Variants in SMG1 observed in about 807,000 individuals in gnomAD.
The protein encoded by SMG1 is serine/threonine-protein kinase SMG1.
SMG1 carries 22 observed loss-of-function variants against 419.9 expected under a neutral mutation model. That is an observed-to-expected ratio of 0.05 (90% CI 0.04 to 0.07). The LOEUF is 0.07. SMG1 is among the 10% of genes least tolerant of loss of function. The probability of loss-of-function intolerance (pLI) is 1.00; values close to 1 mark genes in which losing one functional copy is unlikely to be tolerated. For synonymous variants in SMG1, 1,538 were observed against 1,553.5 expected (o/e 0.99, Z 0.23); for missense variants, 3,185 against 4,342.0 (o/e 0.73, Z 7.49).
At chr16:18,924,753 A>T (rs1402634970) in intron 1 of SMG1, among the ~76,000 whole-genome samples, 1 of 152,210 alleles carries the variant, frequency 6.6e-6, no homozygotes, top group African/African-American at 2.4e-5. Context: ...CAACAGACAC[A>T]GTATTTGGAA....
Position 18,866,634 on chromosome 16 carries a change from G to C in SMG1, c.3337C>G (p.Gln1113Glu). The C allele has an allele frequency of 6.3e-7, 1 of 1,593,344 alleles. No individual in the cohort carries two copies. Among genetic ancestry groups the C allele is most frequent in the Non-Finnish European group, 8.5e-7 (1 of 1,175,990 alleles). Residue 1113 changes from glutamine (Q) to glutamate (E), a missense_variant, in exon 23 of 63, where the codon CAG (glutamine) becomes GAG (glutamate). Coordinates refer to ENST00000446231, the MANE Select transcript of SMG1 (RefSeq NM_015092.5). The part of the protein sequence containing the change: ...NLLWINSVAQ[Q>E]AEGRFEKASV... ...CCTCCAACCTACCTCCCTTCAGCCT[G>C]TTGAGCCACTGAGTTAATCCACAGA...
At position 18,859,741 on chromosome 16, in the gene SMG1, CTTTTATTA is replaced by C. The variant is rs540159087; in HGVS notation, c.3806-46_3806-39del. On this transcript the variant is annotated intron_variant, in intron 26 of 62. Coordinates refer to ENST00000446231, the MANE Select transcript of SMG1 (RefSeq NM_015092.5). Reference sequence around the variant, plus strand: ...AATAAAACGTCATTAAGTTCATGTGCTTTTATTATAAATTTTGATTTATGTTTGGCATT... The same window carrying C: ...AATAAAACGTCATTAAGTTCATGTGCTAAATTTTGATTTATGTTTGGCATT... 3.5e-3 allele frequency: 5,347 copies of C among 1,526,902 alleles called. 12 individuals carry two copies. Among genetic ancestry groups the C allele is most frequent in the Non-Finnish European group, 4.4e-3 (5,013 of 1,132,644 alleles). The allele number at this position is 1,526,902 out of a possible 1,614,324, so 94.6% of individuals were successfully genotyped here.
At position 18,869,827 on chromosome 16, in the gene SMG1, G is replaced by A. The variant is rs758793620; in HGVS notation, c.2633+27C>T. The A allele has an allele frequency of 3.8e-6, 6 of 1,574,578 alleles. No homozygotes were observed. In the South Asian group the frequency reaches 4.4e-5, roughly 12 times the overall value. ...AAGAATCTTAAAATTATGTTTCCCA[G>A]ATAAAAGAGTCAAAGAAATGCCTTA... On this transcript the variant is annotated intron_variant, in intron 19 of 62. Transcript: ENST00000446231.
Position 18,847,963 on chromosome 16 carries a change from T to A in SMG1, c.5694A>T (p.Glu1898Asp), listed in dbSNP as rs2034363333. 2 of 1,613,898 alleles carry A rather than the reference T, an allele frequency of 1.2e-6. No homozygotes were observed. Among genetic ancestry groups the A allele is most frequent in the Non-Finnish European group, 1.7e-6 (2 of 1,179,894 alleles). ...NIQGEELLVS[E>D]CEGGSPPASQ... The stretch of plus-strand genomic sequence containing the variant: ...ATGCAGGAGGACTTCCTCCCTCACA[T>A]TCAGAAACCAGCAATTCTTCTCCTT... Residue 1898 changes from glutamate (E) to aspartate (D), a missense_variant, in exon 37 of 63, where the codon GAA becomes GAT. Around this residue, in one of 27 missense-constraint regions of SMG1, gnomAD observed 130 missense variants for 162.0 expected, o/e 0.80. Transcript: ENST00000446231.
chr16:18,819,380 C>T, intron 56 of SMG1, 122 bp downstream of exon 56: 1 of 1,050,592 alleles, frequency 9.5e-7, no homozygotes, highest in African/African-American at 1.6e-5. Context: ...CGTCCCTCCT[C>T]CCAGGGCTGT....
intron 39 of SMG1, among the ~76,000 whole-genome samples, chr16:18,842,793 A>G (rs941192514): frequency 2.6e-5 from 4 of 152,166 alleles, no homozygotes; most frequent in Non-Finnish European, 5.9e-5. Flanking sequence ...TTACGCCACT[A>G]CATGCCAGCC....
At chr16:18,878,496 T>G (rs1436750375) in intron 11 of SMG1, 3 of 151,482 alleles carry the variant, frequency 2.0e-5, no homozygotes, top group South Asian at 4.2e-4. Flanking sequence ...TAGTCCCAGA[T>G]AGTCGGGAGG....
chr16:18,849,881 C>T, intron 35 of SMG1, 68 bp downstream of exon 35: 3 of 1,460,960 alleles, frequency 2.1e-6, no homozygotes, highest in South Asian at 2.7e-5. Context: ...ATAAGGAAAC[C>T]ACTTTTTGAA....
intron 26 of SMG1, among the ~76,000 whole-genome samples, chr16:18,859,956 C>T (rs556328002): frequency 2.6e-5 from 4 of 152,192 alleles, no homozygotes; most frequent in South Asian, 2.1e-4. Context: ...TGGTGGCTCA[C>T]GCCTGTAATC....
chr16:18,814,377 T>C (rs1451955343), intron 60 of SMG1, among the ~76,000 whole-genome samples: 1 of 151,456 alleles, frequency 6.6e-6, no homozygotes, highest in Non-Finnish European at 1.5e-5. Context: ...CGAGCACCTG[T>C]AATCCAAGCT....
chr16:18,844,583 C>T (rs2034146669), intron 39 of SMG1, among the ~76,000 whole-genome samples: 1 of 148,078 alleles, frequency 6.8e-6, no homozygotes, highest in African/African-American at 2.6e-5. Flanking sequence ...CACACACACA[C>T]GGAAACTCGA....
chr16:18,814,295 C>T (rs2606553), intron 60 of SMG1, among the ~76,000 whole-genome samples: 74,385 of 150,774 alleles, frequency 0.49, 18,721 homozygotes, highest in Middle Eastern at 0.59. Context: ...ACTACAAATT[C>T]TTCATTTGTA....
At chr16:18,817,594 GA>G in intron 56 of SMG1, 124 bp from the exon 57 acceptor site, 1 of 768,744 alleles carries the variant, frequency 1.3e-6, no homozygotes, top group Non-Finnish European at 2.0e-6. Flanking sequence ...AATTGGTCCT[GA>G]AAATGTTTGG....
chr16:18,911,900 G>C (rs2037806912), intron 1 of SMG1, among the ~76,000 whole-genome samples: 1 of 151,950 alleles, frequency 6.6e-6, no homozygotes, highest in African/African-American at 2.4e-5. Context: ...TGGCCAACAT[G>C]GTGAAACCCG....
At chr16:18,919,657 T>C (rs544577145) in intron 1 of SMG1, among the ~76,000 whole-genome samples, 3,904 of 125,562 alleles carry the variant, frequency 0.031, 164 homozygotes, top group African/African-American at 0.086. Context: ...TGTGTATATA[T>C]ACACACACAC....
At chr16:18,837,116 T>C (rs899731288) in intron 46 of SMG1, 137 bp downstream of exon 46, 13 of 771,376 alleles carry the variant, frequency 1.7e-5, no homozygotes, top group Admixed American at 1.6e-4. Context: ...ACTAACACTT[T>C]GAAGTTGCAG....
At chr16:18,918,090 G>A (rs1192712262) in intron 1 of SMG1, among the ~76,000 whole-genome samples, 2 of 151,584 alleles carry the variant, frequency 1.3e-5, no homozygotes, top group African/African-American at 2.4e-5. Flanking sequence ...GTGAAACCCC[G>A]TCTCTAGTAA....
intron 6 of SMG1, among the ~76,000 whole-genome samples, chr16:18,887,327 C>G (rs1284764665): frequency 6.6e-6 from 1 of 151,768 alleles, no homozygotes; most frequent in Non-Finnish European, 1.5e-5. Context: ...TTTTCTCAAA[C>G]CTCTATAATC....
intron 1 of SMG1, among the ~76,000 whole-genome samples, chr16:18,917,311 C>T (rs575317337): frequency 1.3e-5 from 2 of 151,990 alleles, no homozygotes; most frequent in South Asian, 4.2e-4. Context: ...TGCCACCATG[C>T]CCGGCTAATT....
Sources: gnomAD v4.1 joint callset for allele counts (sites outside exome capture counted in the v4.1 genomes callset) on GRCh38, gnomAD v4.1.1 for gene constraint, gnomAD v4.1.1 regional missense constraint, MANE v1.5 for transcripts, NCBI Gene and HGNC (gene_info 2026-07-23, HGNC 2026-07-21) for gene names.